The following MECOM variants were observed in gnomAD, a reference collection of about 807,000 sequenced individuals.
The protein encoded by MECOM is histone-lysine N-methyltransferase MECOM.
MECOM carries 13 observed loss-of-function variants against 116.3 expected under a neutral mutation model. That is an observed-to-expected ratio of 0.11 (90% CI 0.07 to 0.18). The LOEUF (loss-of-function observed/expected upper bound fraction) is 0.18, where lower values mean the gene tolerates loss of function less well. Among genes scored for constraint, MECOM ranks in the 10% least tolerant of loss-of-function variants. MECOM has a pLI of 1.00. For missense variants in MECOM, 1,299 were observed against 1,509.0 expected, an observed-to-expected ratio of 0.86 and a Z score of 2.31; for synonymous variants, 528 against 535.2, an observed-to-expected ratio of 0.99 and a Z score of 0.19.
At chr3:169,606,299 G>C (rs1393848907) in intron 1 of MECOM, among the ~76,000 whole-genome samples, 1 of 151,702 alleles carries the variant, frequency 6.6e-6, no homozygotes, top group South Asian at 2.1e-4. Flanking sequence ...TGTAATCCCA[G>C]CTACTCGGGA....
chr3:169,109,203 C>A lies in MECOM; in HGVS notation c.2578-1251G>T, dbSNP rs569326309. Among the ~76,000 whole-genome samples, 8 of 152,270 alleles carry A rather than the reference C, an allele frequency of 5.3e-5. No homozygotes were observed. The South Asian group carries it at 1.7e-3, about 32-fold the overall frequency. On this transcript the variant is annotated intron_variant, in intron 9 of 16. Coordinates refer to ENST00000651503, the MANE Select transcript of MECOM (RefSeq NM_004991.4). ...CAACTCCTTTTCAAAATTACAGTGA[C>A]CATAAATAATTTTCAATCACATATG...
chr3:169,403,083 A>C (rs1378864982), intron 1 of MECOM, among the ~76,000 whole-genome samples: 1 of 152,248 alleles, frequency 6.6e-6, no homozygotes, highest in Non-Finnish European at 1.5e-5. Context: ...CATTCAGTGC[A>C]TATGCAGGAA....
At chr3:169,480,489 C>T (rs1036278684) in intron 1 of MECOM, among the ~76,000 whole-genome samples, 23 of 152,288 alleles carry the variant, frequency 1.5e-4, no homozygotes, top group African/African-American at 5.5e-4. Context: ...CTCTCCTTCT[C>T]TTTCCCACTT....
chr3:169,555,839 G>T (rs1053518696), intron 1 of MECOM, among the ~76,000 whole-genome samples: 1 of 152,108 alleles, frequency 6.6e-6, no homozygotes, highest in Non-Finnish European at 1.5e-5. Context: ...CTCCCAACAC[G>T]CAGCCTGTGT....
intron 1 of MECOM, among the ~76,000 whole-genome samples, chr3:169,572,287 T>A (rs1415364357): frequency 6.6e-6 from 1 of 152,156 alleles, no homozygotes; most frequent in Non-Finnish European, 1.5e-5. Flanking sequence ...AAAACCACAA[T>A]GAGATACCAT....
intron 2 of MECOM, among the ~76,000 whole-genome samples, chr3:169,376,030 C>T (rs1321066746): frequency 2.0e-5 from 3 of 152,026 alleles, no homozygotes; most frequent in Non-Finnish European, 4.4e-5. Context: ...TCAACATACA[C>T]AAATCAATAA....
chr3:169,542,361 C>A (rs920420416), intron 1 of MECOM, among the ~76,000 whole-genome samples: 2 of 151,298 alleles, frequency 1.3e-5, no homozygotes, highest in Non-Finnish European at 2.9e-5. Context: ...TTGAGCAATA[C>A]GACTCCCCCC....
intron 1 of MECOM, among the ~76,000 whole-genome samples, chr3:169,516,495 G>C (rs748122862): frequency 2.6e-5 from 4 of 152,010 alleles, no homozygotes; most frequent in Non-Finnish European, 4.4e-5. Flanking sequence ...AGCAATAAAA[G>C]AATGTTCTTT....
intron 1 of MECOM, among the ~76,000 whole-genome samples, chr3:169,589,894 G>A (rs1295504775): frequency 6.6e-6 from 1 of 152,120 alleles, no homozygotes; most frequent in Non-Finnish European, 1.5e-5. Context: ...GATTCCCTTG[G>A]AATCACTGCA....
chr3:169,424,491 A>G (rs1171223185), intron 1 of MECOM, among the ~76,000 whole-genome samples: 3 of 152,152 alleles, frequency 2.0e-5, no homozygotes, highest in African/African-American at 7.2e-5. Context: ...CATGACCTCT[A>G]TGATCAGAGA....
chr3:169,109,369 T>C (rs1353576906), intron 9 of MECOM, among the ~76,000 whole-genome samples: 3 of 152,150 alleles, frequency 2.0e-5, no homozygotes, highest in Non-Finnish European at 4.4e-5. Context: ...GAGAAGACTT[T>C]AGACCCTCAG....
chr3:169,194,717 T>C (rs983569725), intron 2 of MECOM, among the ~76,000 whole-genome samples: 15 of 152,056 alleles, frequency 9.9e-5, no homozygotes, highest in Non-Finnish European at 2.9e-5. Flanking sequence ...GGAGTCCTAG[T>C]GCCAGGCTGT....
At chr3:169,471,598 T>A (rs1749256752) in intron 1 of MECOM, among the ~76,000 whole-genome samples, 1 of 152,198 alleles carries the variant, frequency 6.6e-6, no homozygotes, top group African/African-American at 2.4e-5. Flanking sequence ...TAATTATTCT[T>A]CCTTAGATTT....
chr3:169,172,749 CA>C, intron 2 of MECOM, among the ~76,000 whole-genome samples: 1 of 152,210 alleles, frequency 6.6e-6, no homozygotes, highest in East Asian at 1.9e-4. Flanking sequence ...CTCAGTGGGT[CA>C]GGGGGCTAAG....
Position 169,096,281 on chromosome 3 carries a change from T to C in MECOM, c.2850-1036A>G, listed in dbSNP as rs556208772. Among the ~76,000 whole-genome samples, 6 of 152,016 alleles carry C rather than the reference T, an allele frequency of 3.9e-5. No individual in the cohort carries two copies. The East Asian group carries it at 5.8e-4, about 15-fold the overall frequency. ...TTTCTCCAAATGACCTTTTTTTTTT[T>C]TGTTTTTTAGATGGAGTCTCACTCT... On this transcript the variant is annotated intron_variant, in intron 12 of 16. Transcript: ENST00000651503.
chr3:169,167,933 ACT>A (rs1322771763), intron 2 of MECOM, among the ~76,000 whole-genome samples: 3 of 151,700 alleles, frequency 2.0e-5, no homozygotes, highest in African/African-American at 7.3e-5. Flanking sequence ...CCAGTGACTG[ACT>A]CTGATTCGGT....
At chr3:169,633,873 AAG>A (rs978361163) in intron 1 of MECOM, among the ~76,000 whole-genome samples, 3 of 150,756 alleles carry the variant, frequency 2.0e-5, no homozygotes, top group East Asian at 2.0e-4. Flanking sequence ...AGGAAAAAGA[AAG>A]AGAGAGGTAA....
chr3:169,169,836 C>CTT (rs77967621), intron 2 of MECOM, among the ~76,000 whole-genome samples: 8,832 of 144,774 alleles, frequency 0.061, 455 homozygotes, highest in East Asian at 0.29. Context: ...TACAGTTCTA[C>CTT]TTTTTTTTTT....
chr3:169,647,683 G>T (rs1774356596), intron 1 of MECOM, among the ~76,000 whole-genome samples: 1 of 152,056 alleles, frequency 6.6e-6, no homozygotes, highest in Non-Finnish European at 1.5e-5. Context: ...ATAATTTCTA[G>T]AGTTTCTAAT....
Sources: gnomAD v4.1 joint callset for allele counts (sites outside exome capture counted in the v4.1 genomes callset) on GRCh38, gnomAD v4.1.1 for gene constraint, MANE v1.5 for transcripts, NCBI Gene and HGNC (gene_info 2026-07-23, HGNC 2026-07-21) for gene names.